The following B3GALNT1 variants were observed in gnomAD, a reference collection of about 807,000 sequenced individuals.
B3GALNT1 encodes the protein UDP-GalNAc:beta-1,3-N-acetylgalactosaminyltransferase 1.
A neutral mutation model predicts 27.3 loss-of-function variants in B3GALNT1; 17 were observed. That is an observed-to-expected ratio of 0.62 (90% confidence interval 0.43 to 0.94). The LOEUF (loss-of-function observed/expected upper bound fraction) is 0.94. Among genes scored for constraint, B3GALNT1 ranks in the 40% least tolerant of loss-of-function variants. The pLI, the probability that B3GALNT1 is intolerant of heterozygous loss-of-function variation, is 0.00. For synonymous variants in B3GALNT1, 141 were observed against 144.0 expected (o/e 0.98, Z 0.15); for missense variants, 347 against 390.0 (o/e 0.89, Z 0.93).
rs142439713 is a variant in B3GALNT1 at position 161,085,771 on chromosome 3, T to A, written c.984A>T (p.Thr328=). The change falls in exon 5 of 5, where the codon ACA becomes ACT. Residue 328 remains threonine, a synonymous_variant. Coordinates refer to ENST00000320474, the MANE Select transcript of B3GALNT1 (RefSeq NM_003781.4). Reference sequence around the variant, plus strand: ...GTAGAATGTGAAGTTAATAATGGCATGTGGTGTTCCTTAGCATGACCTGCC... The same window carrying A: ...GTAGAATGTGAAGTTAATAATGGCAAGTGGTGTTCCTTAGCATGACCTGCC... ...TFWQVMLRNT[T]CHY is the part of the protein sequence containing the mutation. 187 of 1,614,042 alleles carry A rather than the reference T, an allele frequency of 1.2e-4. No homozygotes were observed. The highest frequency in any genetic ancestry group is 1.5e-4 in the Non-Finnish European group (173 of 1,179,994).
intron 4 of B3GALNT1, among the ~76,000 whole-genome samples, chr3:161,099,201 G>A (rs1729850489): frequency 6.6e-6 from 1 of 152,014 alleles, no homozygotes; most frequent in Non-Finnish European, 1.5e-5. Context: ...TCAAACTGGG[G>A]AAAAAAATCA....
At chr3:161,094,974 T>C (rs1239539346) in intron 4 of B3GALNT1, among the ~76,000 whole-genome samples, 1 of 152,150 alleles carries the variant, frequency 6.6e-6, no homozygotes, top group African/African-American at 2.4e-5. Context: ...CGTTCTTTTT[T>C]ATTCTTTTAA....
intron 4 of B3GALNT1, among the ~76,000 whole-genome samples, chr3:161,100,493 G>T (rs1730649317): frequency 6.6e-6 from 1 of 152,226 alleles, no homozygotes; most frequent in African/African-American, 2.4e-5. Context: ...GAAGCCTGCT[G>T]CTTCATTCAG....
chr3:161,100,870 T>C (rs1367135124), intron 4 of B3GALNT1, among the ~76,000 whole-genome samples: 1 of 152,096 alleles, frequency 6.6e-6, no homozygotes, highest in Non-Finnish European at 1.5e-5. Flanking sequence ...TTCTGGGCAC[T>C]ATACAAGTTT....
At chr3:161,104,012 C>G (rs1732890722) in intron 2 of B3GALNT1, 1 of 223,930 alleles carries the variant, frequency 4.5e-6, no homozygotes, top group South Asian at 5.4e-5. Flanking sequence ...CTGGCGTGAG[C>G]CACCGCGCCC....
intron 4 of B3GALNT1, among the ~76,000 whole-genome samples, chr3:161,097,759 G>C (rs1728963743): frequency 6.6e-6 from 1 of 152,178 alleles, no homozygotes; most frequent in Non-Finnish European, 1.5e-5. Flanking sequence ...GTAGCAGCTG[G>C]AGGAGAGCTG....
At chr3:161,092,513 A>AG (rs1203227522) in intron 4 of B3GALNT1, among the ~76,000 whole-genome samples, 5 of 152,154 alleles carry the variant, frequency 3.3e-5, no homozygotes, top group Admixed American at 2.6e-4. Flanking sequence ...ATGTGGTTAA[A>AG]GGGGGAAAAA....
intron 4 of B3GALNT1, among the ~76,000 whole-genome samples, chr3:161,093,774 G>A (rs1388855816): frequency 6.6e-6 from 1 of 152,100 alleles, no homozygotes; most frequent in Non-Finnish European, 1.5e-5. Context: ...TAAGGCGGGA[G>A]GATCGCTGGA....
intron 4 of B3GALNT1, among the ~76,000 whole-genome samples, chr3:161,100,631 T>C (rs1017341252): frequency 6.6e-5 from 10 of 152,324 alleles, no homozygotes; most frequent in Admixed American, 2.6e-4. Flanking sequence ...CTGATAGACT[T>C]CTGGGTTGTG....
chr3:161,095,470 T>C (rs1310991519), intron 4 of B3GALNT1, among the ~76,000 whole-genome samples: 2 of 152,258 alleles, frequency 1.3e-5, no homozygotes, highest in Non-Finnish European at 2.9e-5. Context: ...TAACCTGTCT[T>C]TGTAAGTTTA....
intron 4 of B3GALNT1, 23 bp from the exon 5 acceptor site, chr3:161,086,811 G>T (rs779892176): frequency 6.3e-7 from 1 of 1,599,362 alleles, no homozygotes; most frequent in Non-Finnish European, 8.5e-7. Context: ...TCAAAGATTG[G>T]GTTAATATTC....
chr3:161,092,946 A>G (rs967777927), intron 4 of B3GALNT1, among the ~76,000 whole-genome samples: 3 of 151,934 alleles, frequency 2.0e-5, no homozygotes, highest in Admixed American at 2.0e-4. Flanking sequence ...TTTAGTAGAC[A>G]TGGGGTTTCA....
Position 161,085,492 on chromosome 3 carries a change from T to C in B3GALNT1, c.*267A>G, listed in dbSNP as rs1302049378. The C allele has an allele frequency of 2.4e-5, 11 of 464,848 alleles. No homozygotes were observed. The highest frequency in any genetic ancestry group is 1.3e-4 in the South Asian group (5 of 38,366). The allele number at this position is 464,848 out of a possible 1,614,324, so 28.8% of individuals were successfully genotyped here. A position where few individuals can be genotyped will look rare whatever the true frequency, so the allele number is the denominator to read the frequency against. ...TTTTAAGAAATTCTAGTCTACAGAA[T>C]GACATGTCCAAATTGTTTGGTCCTA... On this transcript the variant is annotated 3_prime_UTR_variant, in exon 5 of 5. Transcript: ENST00000320474.
rs190778867 is a variant in B3GALNT1 at position 161,094,294 on chromosome 3, C to T, written c.-35+6845G>A. Among the ~76,000 whole-genome samples, 165 of 152,300 alleles carry T rather than the reference C, an allele frequency of 1.1e-3. 1 individual carries two copies. The highest frequency in any genetic ancestry group is 3.7e-3 in the African/African-American group (155 of 41,574). ...AGCCTTATCATTTTCACAAGGAAGACTCAAAATTCCTACCCTTAAAACCTG... is the reference window on the plus strand; with the variant it reads ...AGCCTTATCATTTTCACAAGGAAGATTCAAAATTCCTACCCTTAAAACCTG... On this transcript the variant is annotated intron_variant, in intron 4 of 4. Transcript: ENST00000320474.
Position 161,085,399 on chromosome 3 carries a change from G to T in B3GALNT1, c.*360C>A. 1 of 241,936 alleles carries T rather than the reference G, an allele frequency of 4.1e-6. No homozygotes were observed. Among genetic ancestry groups the T allele is most frequent in the South Asian group, 6.2e-5 (1 of 16,102 alleles). The allele number at this position is 241,936 out of a possible 1,614,324, so 15.0% of individuals were successfully genotyped here. A position where few individuals can be genotyped will look rare whatever the true frequency, so the allele number is the denominator to read the frequency against. The stretch of plus-strand genomic sequence containing the variant: ...CACAAAACCTTCAAGTGACTACATT[G>T]TTCAATAAATAAAACTCTACATTGT... On this transcript the variant is annotated 3_prime_UTR_variant, in exon 5 of 5. Transcript: ENST00000320474.
intron 4 of B3GALNT1, among the ~76,000 whole-genome samples, chr3:161,092,763 CT>C (rs33946641): frequency 1.8e-3 from 191 of 104,828 alleles, no homozygotes; most frequent in African/African-American, 4.8e-3. Context: ...TTTCATTTTT[CT>C]TTTTTTTTTT....
At position 161,092,763 on chromosome 3, in the gene B3GALNT1, C is replaced by CTTTT. The variant is rs33946641; in HGVS notation, c.-34-5979_-34-5976dup. On this transcript the variant is annotated intron_variant, in intron 4 of 4. Coordinates refer to ENST00000320474, the MANE Select transcript of B3GALNT1 (RefSeq NM_003781.4). ...TTACCTTCTCAAAAGTTTCATTTTTCTTTTTTTTTTTTTTTTTTTTTGAGA... is the reference window on the plus strand; with the variant it reads ...TTACCTTCTCAAAAGTTTCATTTTTCTTTTTTTTTTTTTTTTTTTTTTTTTGAGA... 3.3e-3 allele frequency among the ~76,000 whole-genome samples: 347 copies of CTTTT among 104,818 alleles called. 4 individuals carry two copies. Among genetic ancestry groups the CTTTT allele is most frequent in the East Asian group, 6.7e-3 (23 of 3,410 alleles). The allele number at this position is 104,818 out of a possible 152,430, so 68.8% of individuals were successfully genotyped here.
At chr3:161,098,172 A>G (rs1729214313) in intron 4 of B3GALNT1, among the ~76,000 whole-genome samples, 1 of 152,146 alleles carries the variant, frequency 6.6e-6, no homozygotes, top group African/African-American at 2.4e-5. Context: ...GTAGGCACCA[A>G]TATTATAACA....
At chr3:161,101,351 G>A (rs1191906644) in intron 3 of B3GALNT1, 118 bp from the exon 4 acceptor site, 2 of 488,114 alleles carry the variant, frequency 4.1e-6, no homozygotes, top group African/African-American at 4.0e-5. Context: ...AAGAGTATCG[G>A]GGAGCTGCTG....
Sources: allele counts gnomAD v4.1 joint callset (sites outside exome capture counted in the v4.1 genomes callset), GRCh38; gene constraint gnomAD v4.1.1; transcripts MANE v1.5; gene names NCBI Gene and HGNC (gene_info 2026-07-23, HGNC 2026-07-21).